Variants in CAMTA2 observed in about 807,000 individuals in gnomAD.
The protein encoded by CAMTA2 is calmodulin-binding transcription activator 2.
CAMTA2 carries 56 observed loss-of-function variants against 135.7 expected under a neutral mutation model. The ratio of observed to expected loss-of-function variants is 0.41; its 90% CI spans 0.33 to 0.52. CAMTA2 has a LOEUF of 0.52. CAMTA2 is among the 20% of genes least tolerant of loss of function. The pLI is 0.16. For synonymous variants in CAMTA2, 591 were observed against 604.6 expected, an observed-to-expected ratio of 0.98 and a Z score of 0.33; for missense variants, 1,358 against 1,553.4, an observed-to-expected ratio of 0.87 and a Z score of 2.11.
At chr17:4,987,485 C>T (rs1335699177) in intron 1 of CAMTA2, 108 bp downstream of exon 1, 2 of 1,405,700 alleles carry the variant, frequency 1.4e-6, no homozygotes, top group Non-Finnish European at 1.9e-6. Context: ...GAGGGCGAAC[C>T]GGGAAGAGGG....
chr17:4,983,507 A>T (rs953490179), intron 3 of CAMTA2, among the ~76,000 whole-genome samples: 16 of 150,264 alleles, frequency 1.1e-4, no homozygotes, highest in Admixed American at 6.6e-5. Context: ...CTGGTCTCGA[A>T]CTCCTGACCT....
At chr17:4,974,284 G>A in intron 12 of CAMTA2, 101 bp downstream of exon 12, 2 of 747,902 alleles carry the variant, frequency 2.7e-6, no homozygotes, top group Non-Finnish European at 4.7e-6. Flanking sequence ...GAGGAGGCTG[G>A]GGACAGGAGA....
At chr17:4,987,199 C>A in intron 1 of CAMTA2, 1 of 1,337,190 alleles carries the variant, frequency 7.5e-7, no homozygotes, top group Non-Finnish European at 9.5e-7. Context: ...TTGGGCTGCA[C>A]TTGGGCGGCG....
Position 4,982,853 on chromosome 17 carries a change from C to T in CAMTA2, c.243G>A (p.Lys81=). The T allele has an allele frequency of 6.2e-7, 1 of 1,614,162 alleles. No individual in the cohort carries two copies. The highest frequency in any genetic ancestry group is 1.1e-5 in the South Asian group (1 of 91,070). Residue 81 remains lysine (K), a synonymous_variant, in exon 5 of 23, where the codon AAG becomes AAA. Coordinates refer to ENST00000348066, the MANE Select transcript of CAMTA2 (RefSeq NM_015099.4). ...NGSIILYNRK[K]VKYRKDGYLW... ...GGTAACCATCCTTCCGATATTTCAC[C>T]TTCTTGCGATTGTAGAGGATGATGG...
intron 11 of CAMTA2, among the ~76,000 whole-genome samples, chr17:4,976,329 T>G (rs1411763285): frequency 6.6e-6 from 1 of 152,192 alleles, no homozygotes; most frequent in Non-Finnish European, 1.5e-5. Context: ...TTCTATTTTG[T>G]GCTTTTGTGT....
At chr17:4,975,912 C>T (rs540254221) in intron 11 of CAMTA2, among the ~76,000 whole-genome samples, 113 of 152,244 alleles carry the variant, frequency 7.4e-4, no homozygotes, top group Non-Finnish European at 1.4e-3. Flanking sequence ...TAAATACACA[C>T]ACACATAGAT....
intron 11 of CAMTA2, among the ~76,000 whole-genome samples, chr17:4,975,266 GT>G (rs1381315999): frequency 6.6e-6 from 1 of 152,072 alleles, no homozygotes; most frequent in East Asian, 1.9e-4. Context: ...AGGTACACAG[GT>G]GATAGGAGGA....
Position 4,969,246 on chromosome 17 carries a change from C to G in CAMTA2, c.3374G>C (p.Arg1125Pro). ...CTGCTGGATGAGCACAGCCGCTCGG[C>G]GGCTCTGCTGAAATCGCTTCTGTTC... ...YYEQKRFQQS[R>P]RAAVLIQQHY... Residue 1125 changes from arginine to proline, a missense_variant, in exon 21 of 23, where the codon CGC (arginine) becomes CCC (proline). Physicochemically the swap from Arg to Pro is moderately radical, Grantham distance 103. This residue lies in a region of CAMTA2 where 167 missense variants were observed against 207.0 expected (regional missense o/e 0.81). Transcript: ENST00000348066. This position sits in a 1 kb window ranked among gnomAD's most constrained non-coding sequence, Gnocchi z 5.6. 6.2e-7 allele frequency: 1 copy of G among 1,613,788 alleles called. No homozygotes were observed. The highest frequency in any genetic ancestry group is 1.1e-5 in the South Asian group (1 of 91,076).
In CAMTA2 at chr17:4,980,487, G is replaced by A; in HGVS notation, c.835C>T (p.Leu279Phe). 2 of 1,612,486 alleles carry A rather than the reference G, an allele frequency of 1.2e-6. No homozygotes were observed. The highest frequency in any genetic ancestry group is 2.2e-5 in the East Asian group (1 of 44,784). The change falls in exon 9 of 23, where the codon CTT (leucine) becomes TTT (phenylalanine). Residue 279 changes from leucine to phenylalanine, a missense_variant. Leu to Phe is a conservative substitution (Grantham distance 22, BLOSUM62 0). Transcript: ENST00000348066. The surrounding 1 kb of genome is among the most constrained non-coding windows in gnomAD (Gnocchi z 5.3). ...TGTGCCTTGGGGAGCTCTGGGGGAA[G>A]TGGGGCTATCAGTGGAGGAGGCTCT... ...PPEPPPLIAP[L>F]PPELPKAHTS...
rs758639143 is a variant in CAMTA2, at chr17:4,980,388, G to A, written c.934C>T (p.Pro312Ser). 1.9e-6 allele frequency: 3 copies of A among 1,614,116 alleles called. No homozygotes were observed. The highest frequency in any genetic ancestry group is 1.1e-5 in the South Asian group (1 of 91,084). Residue 312 changes from proline (P) to serine (S), a missense_variant, in exon 9 of 23, where the codon CCC (proline) becomes TCC (serine). Around this residue, in one of 4 missense-constraint regions of CAMTA2, gnomAD observed 1,077 missense variants for 1,127.5 expected, o/e 0.96. Transcript: ENST00000348066. This position sits in a 1 kb window ranked among gnomAD's most constrained non-coding sequence, Gnocchi z 5.3. Reference sequence around the variant, plus strand: ...CTTGAAGAACCCCCTCGAGAAGTGGGAGGGCTAGGTCTGATTTCTAGGGGC... The same window carrying A: ...CTTGAAGAACCCCCTCGAGAAGTGGAAGGGCTAGGTCTGATTTCTAGGGGC... ...AEPLEIRPSP[P>S]TSRGGSSRGG...
In CAMTA2 at chr17:4,969,140, T is replaced by TGGGCCCTACTTGTTGCGGGCA. The variant is rs777425200; in HGVS notation, c.3459_3470+9dup. ...GTGGGTGGGCACAGAGGGCTGGGGC[T>TGGGCCCTACTTGTTGCGGGCA]GGGCCCTACTTGTTGCGGGCAGGCA... On this transcript the variant is annotated intron_variant, in intron 21 of 22. Coordinates refer to ENST00000348066, the MANE Select transcript of CAMTA2 (RefSeq NM_015099.4). The surrounding 1 kb of genome is among the most constrained non-coding windows in gnomAD (Gnocchi z 5.6). 1 of 1,602,926 alleles carries TGGGCCCTACTTGTTGCGGGCA rather than the reference T, an allele frequency of 6.2e-7. No homozygotes were observed. Among genetic ancestry groups the TGGGCCCTACTTGTTGCGGGCA allele is most frequent in the Non-Finnish European group, 8.5e-7 (1 of 1,176,218 alleles).
chr17:4,984,113 G>C (rs908361133), intron 3 of CAMTA2, among the ~76,000 whole-genome samples: 4 of 151,898 alleles, frequency 2.6e-5, no homozygotes, highest in African/African-American at 9.7e-5. Context: ...ACCACGCCCG[G>C]CTAATTTTTT....
Position 4,979,679 on chromosome 17 carries a change from C to A in CAMTA2, c.1638+5G>T. The A allele has an allele frequency of 6.2e-7, 1 of 1,601,522 alleles. No homozygotes were observed. Among genetic ancestry groups the A allele is most frequent in the Non-Finnish European group, 8.5e-7 (1 of 1,170,528 alleles). On this transcript the variant is annotated splice_donor_5th_base_variant and intron_variant, in intron 9 of 22. Transcript: ENST00000348066. ...GAGGAGGGAGGAGGTAAGCCTGAGT[C>A]TCACCTCTGGGTAGGACCACTCTGG...
At position 4,970,472 on chromosome 17, in the gene CAMTA2, T is replaced by C. The variant is rs749555488; in HGVS notation, c.2873A>G (p.Asp958Gly). The change falls in exon 17 of 23, where the codon GAC becomes GGC. Residue 958 changes from aspartate (D) to glycine (G), a missense_variant. Physicochemically the swap from Asp to Gly is moderately conservative, Grantham distance 94. Transcript: ENST00000348066. ...TCCAGCCTCGGGCAGCCCCACGAAG[T>C]CCTCTCGTTTAATCCGCTCCGGTGT... ...EATPERIKRE[D>G]FVGLPEAGAS... is the part of the protein sequence containing the mutation. The C allele has an allele frequency of 3.1e-6, 5 of 1,614,082 alleles. No individual in the cohort carries two copies. The highest frequency in any genetic ancestry group is 3.4e-6 in the Non-Finnish European group (4 of 1,180,022).
Position 4,977,045 on chromosome 17 carries a change from G to T in CAMTA2, c.1900+13C>A. 1 of 1,614,010 alleles carries T rather than the reference G, an allele frequency of 6.2e-7. No homozygotes were observed. Among genetic ancestry groups the T allele is most frequent in the Non-Finnish European group, 8.5e-7 (1 of 1,179,912 alleles). ...TGGGCTGGATACTTGGGTTCAGAGGGCTGGGTACTCACCGTCCAGTGACAG... is the reference window on the plus strand; with the variant it reads ...TGGGCTGGATACTTGGGTTCAGAGGTCTGGGTACTCACCGTCCAGTGACAG... On this transcript the variant is annotated intron_variant, in intron 11 of 22. Coordinates refer to ENST00000348066, the MANE Select transcript of CAMTA2 (RefSeq NM_015099.4).
At chr17:4,986,658 G>A (rs921209568) in intron 1 of CAMTA2, among the ~76,000 whole-genome samples, 1 of 152,144 alleles carries the variant, frequency 6.6e-6, no homozygotes, top group African/African-American at 2.4e-5. Context: ...GGATGGTTTG[G>A]CAAGAGAGCC....
At chr17:4,976,923 TG>T in intron 11 of CAMTA2, 134 bp downstream of exon 11, 1 of 806,816 alleles carries the variant, frequency 1.2e-6, no homozygotes, top group Non-Finnish European at 1.9e-6. Context: ...AAATCACTAA[TG>T]AAATAGGAAT....
At chr17:4,986,139 G>A (rs754847812) in intron 2 of CAMTA2, 53 bp downstream of exon 2, 18 of 1,182,578 alleles carry the variant, frequency 1.5e-5, no homozygotes, top group East Asian at 1.4e-4. Context: ...CCACTAAAGC[G>A]TGGGGAGAAC....
At position 4,980,335 on chromosome 17, in the gene CAMTA2, T is replaced by G. The variant is rs752185636; in HGVS notation, c.987A>C (p.Thr329=). ...AGCCTCCAGCCCGCTGCTCCAGTCC[T>G]GTCAGGAGGAGGATAGCAGTGCCTC... The part of the protein sequence containing the change: ...SRGGTAILLL[T]GLEQRAGGLT... Residue 329 remains threonine (T), a synonymous_variant, in exon 9 of 23, where the codon ACA becomes ACC. Transcript: ENST00000348066. This position sits in a 1 kb window ranked among gnomAD's most constrained non-coding sequence, Gnocchi z 5.3. 2 of 1,613,998 alleles carry G rather than the reference T, an allele frequency of 1.2e-6. No individual in the cohort carries two copies. Among genetic ancestry groups the G allele is most frequent in the South Asian group, 2.2e-5 (2 of 91,074 alleles).
Sources: gnomAD v4.1 joint callset for allele counts (sites outside exome capture counted in the v4.1 genomes callset) on GRCh38, gnomAD v4.1.1 for gene constraint, gnomAD v4.1.1 regional missense constraint, Gnocchi (gnomAD v3.1) non-coding constraint, MANE v1.5 for transcripts, NCBI Gene and HGNC (gene_info 2026-07-23, HGNC 2026-07-21) for gene names.